The following CDH4 variants were observed in gnomAD, a reference collection of about 807,000 sequenced individuals.
CDH4 encodes cadherin-4.
In CDH4, 33 loss-of-function variants were observed where a neutral mutation model predicts 86.0. The ratio of observed to expected loss-of-function variants is 0.38; its 90% CI spans 0.29 to 0.51. The LOEUF (loss-of-function observed/expected upper bound fraction) is 0.51. Among genes scored for constraint, CDH4 ranks in the 20% least tolerant of loss-of-function variants. The pLI is 0.86. For synonymous variants in CDH4, 555 were observed against 549.4 expected, an observed-to-expected ratio of 1.01 and a Z score of -0.14; for missense variants, 1,114 against 1,307.4, an observed-to-expected ratio of 0.85 and a Z score of 2.28.
At chr20:61,441,744 G>C (rs2085315907) in intron 2 of CDH4, among the ~76,000 whole-genome samples, 1 of 152,148 alleles carries the variant, frequency 6.6e-6, no homozygotes, top group Admixed American at 6.5e-5. Flanking sequence ...CCTTCATCTT[G>C]GGCTTTCCAA....
chr20:61,307,640 TG>T (rs1274020146), intron 2 of CDH4, among the ~76,000 whole-genome samples: 1 of 152,192 alleles, frequency 6.6e-6, no homozygotes, highest in Non-Finnish European at 1.5e-5. Flanking sequence ...ACTGGCTTCT[TG>T]GGATTTGTAT....
At chr20:61,361,964 T>C (rs548786074) in intron 2 of CDH4, among the ~76,000 whole-genome samples, 4 of 152,310 alleles carry the variant, frequency 2.6e-5, no homozygotes, top group African/African-American at 9.6e-5. Flanking sequence ...GCATCTGCCA[T>C]CCCGGAGCCC....
intron 2 of CDH4, among the ~76,000 whole-genome samples, chr20:61,375,916 G>C (rs1315155961): frequency 6.7e-6 from 1 of 150,374 alleles, no homozygotes; most frequent in Non-Finnish European, 1.5e-5. Flanking sequence ...TAGTGTGATG[G>C]TCTTGGTGCT....
At chr20:61,766,998 G>A (rs895366840) in intron 3 of CDH4, among the ~76,000 whole-genome samples, 1 of 152,254 alleles carries the variant, frequency 6.6e-6, no homozygotes, top group African/African-American at 2.4e-5. Context: ...TGGGCCACAG[G>A]TCAGACAGCT....
rs114021822 is a variant in CDH4, at chr20:61,861,239, C to T, written c.877+8341C>T. On this transcript the variant is annotated intron_variant, in intron 6 of 15. Transcript: ENST00000614565. ...GTTCCACGTGGGAAGGACACACCTT[C>T]CGCTGAAGATGCGATCATGCGGTCA... Among the ~76,000 whole-genome samples the T allele has an allele frequency of 9.7e-3, 1,473 of 152,324 alleles. 20 individuals carry two copies. Among genetic ancestry groups the T allele is most frequent in the African/African-American group, 0.034 (1,405 of 41,576 alleles).
intron 6 of CDH4, among the ~76,000 whole-genome samples, chr20:61,862,005 T>G (rs1983351113): frequency 6.6e-6 from 1 of 152,202 alleles, no homozygotes; most frequent in Non-Finnish European, 1.5e-5. Context: ...CCCAGGCCAC[T>G]GTGAACGGGA....
intron 2 of CDH4, among the ~76,000 whole-genome samples, chr20:61,586,764 C>A (rs2086479282): frequency 1.3e-5 from 2 of 152,142 alleles, no homozygotes; most frequent in South Asian, 4.1e-4. Flanking sequence ...ATCCTGTTTG[C>A]CCTTGGAAAA....
At chr20:61,380,791 G>C (rs917889672) in intron 2 of CDH4, among the ~76,000 whole-genome samples, 3 of 152,182 alleles carry the variant, frequency 2.0e-5, no homozygotes, top group African/African-American at 4.8e-5. Context: ...ACTTATTGCA[G>C]CTTCGGCAAA....
Position 61,923,657 on chromosome 20 carries a change from C to A in CDH4, c.1581C>A (p.Thr527=), listed in dbSNP as rs748365681. The A allele has an allele frequency of 3.1e-6, 5 of 1,613,942 alleles. No individual in the cohort carries two copies. In the East Asian group the frequency reaches 8.9e-5, roughly 29 times the overall value. ...GCGTGCCCCCCGGCACCGTGCTGAC[C>A]ACGTTTTCAGCTGTGGACCCTGACC... ...EEGVPPGTVL[T]TFSAVDPDRF... Residue 527 remains threonine (T), a synonymous_variant, in exon 10 of 16, where the codon ACC becomes ACA. Transcript: ENST00000614565.
At chr20:61,602,783 A>T (rs1288567790) in intron 2 of CDH4, among the ~76,000 whole-genome samples, 1 of 150,462 alleles carries the variant, frequency 6.6e-6, no homozygotes, top group Non-Finnish European at 1.5e-5. Flanking sequence ...TCATGAAATG[A>T]TTTCGGAATT....
At chr20:61,615,000 C>G (rs1357352895) in intron 2 of CDH4, among the ~76,000 whole-genome samples, 1 of 152,136 alleles carries the variant, frequency 6.6e-6, no homozygotes, top group Non-Finnish European at 1.5e-5. Context: ...ACACCAGAAA[C>G]CAGGTGGACC....
intron 2 of CDH4, among the ~76,000 whole-genome samples, chr20:61,498,331 G>C (rs1222099354): frequency 6.6e-6 from 1 of 152,196 alleles, no homozygotes; most frequent in Non-Finnish European, 1.5e-5. Context: ...AGGAGTTTCA[G>C]AATGTTCTAG....
At chr20:61,546,580 G>A (rs534393886) in intron 2 of CDH4, among the ~76,000 whole-genome samples, 7 of 151,788 alleles carry the variant, frequency 4.6e-5, no homozygotes, top group African/African-American at 1.5e-4. Flanking sequence ...AGAAATCAGG[G>A]CAGGGAGGGG....
At chr20:61,279,422 C>T (rs987181645) in intron 2 of CDH4, among the ~76,000 whole-genome samples, 1 of 152,108 alleles carries the variant, frequency 6.6e-6, no homozygotes, top group Admixed American at 6.5e-5. Flanking sequence ...GTCTCTGGAC[C>T]TCTGCTTTAG....
At chr20:61,887,911 G>A (rs1053900915) in intron 7 of CDH4, among the ~76,000 whole-genome samples, 2 of 152,204 alleles carry the variant, frequency 1.3e-5, no homozygotes, top group African/African-American at 4.8e-5. Flanking sequence ...GGCCGAGGGG[G>A]GCCGGTGCAG....
intron 4 of CDH4, among the ~76,000 whole-genome samples, chr20:61,800,585 C>T (rs891213950): frequency 2.0e-4 from 31 of 152,234 alleles, no homozygotes; most frequent in African/African-American, 7.0e-4. Flanking sequence ...CAGGGCAGAG[C>T]GGGGCTGCAG....
At chr20:61,262,306 T>C (rs2084132214) in intron 2 of CDH4, among the ~76,000 whole-genome samples, 1 of 152,110 alleles carries the variant, frequency 6.6e-6, no homozygotes, top group African/African-American at 2.4e-5. Context: ...TCTGCAGAGA[T>C]CTCGTACTCT....
intron 2 of CDH4, among the ~76,000 whole-genome samples, chr20:61,661,574 A>G (rs1409720422): frequency 6.7e-6 from 1 of 148,160 alleles, no homozygotes; most frequent in African/African-American, 2.5e-5. Flanking sequence ...AGTTGATGCC[A>G]TCTGCGTCAC....
At chr20:61,338,810 T>C (rs1279804908) in intron 2 of CDH4, among the ~76,000 whole-genome samples, 1 of 152,236 alleles carries the variant, frequency 6.6e-6, no homozygotes, top group African/African-American at 2.4e-5. Context: ...ATTGTAAGGC[T>C]GAGAATCTTA....
Sources: allele counts gnomAD v4.1 joint callset (sites outside exome capture counted in the v4.1 genomes callset), GRCh38; gene constraint gnomAD v4.1.1; transcripts MANE v1.5; gene names NCBI Gene and HGNC (gene_info 2026-07-23, HGNC 2026-07-21).